The following PIK3C2G variants were observed in gnomAD, a reference collection of about 807,000 sequenced individuals.
The protein encoded by PIK3C2G is phosphatidylinositol-4-phosphate 3-kinase catalytic subunit type 2 gamma, also known as phosphatidylinositol 3-kinase C2 domain-containing subunit gamma.
A neutral mutation model predicts 181.1 loss-of-function variants in PIK3C2G; 168 were observed. That is an observed-to-expected ratio of 0.93 (90% CI 0.82 to 1.05). The LOEUF is 1.05. Among genes scored for constraint, PIK3C2G ranks in the 50% least tolerant of loss-of-function variants. The pLI, the probability that PIK3C2G is intolerant of heterozygous loss-of-function variation, is 0.00. For missense variants in PIK3C2G, 1,869 were observed against 1,732.8 expected, an observed-to-expected ratio of 1.08 and a Z score of -1.40; for synonymous variants, 573 against 592.2, an observed-to-expected ratio of 0.97 and a Z score of 0.47.
At chr12:18,284,960 G>T (rs1413613952) in intron 2 of PIK3C2G, among the ~76,000 whole-genome samples, 2 of 152,040 alleles carry the variant, frequency 1.3e-5, no homozygotes, top group Non-Finnish European at 2.9e-5. Flanking sequence ...TTAATTTGAA[G>T]AAATAATGGT....
intron 30 of PIK3C2G, 62 bp downstream of exon 30, chr12:18,594,631 T>C: frequency 2.4e-6 from 2 of 851,046 alleles, no homozygotes; most frequent in Non-Finnish European, 3.6e-6. Context: ...CAAAAAGATA[T>C]CACAACTAAT....
At chr12:18,261,322 T>G (rs965211878), upstream of PIK3C2G, among the ~76,000 whole-genome samples, 3 of 152,180 alleles carry the variant, frequency 2.0e-5, no homozygotes, top group Non-Finnish European at 2.9e-5. Flanking sequence ...AGAAGCTCAT[T>G]TATGGTTGGG....
At chr12:18,280,422 C>T (rs538025706) in intron 1 of PIK3C2G, among the ~76,000 whole-genome samples, 126 of 152,042 alleles carry the variant, frequency 8.3e-4, no homozygotes, top group African/African-American at 2.9e-3. Flanking sequence ...AATAATATTT[C>T]AATTAAATCC....
At chr12:18,411,850 T>G (rs1944883396) in intron 16 of PIK3C2G, among the ~76,000 whole-genome samples, 1 of 152,204 alleles carries the variant, frequency 6.6e-6, no homozygotes, top group African/African-American at 2.4e-5. Context: ...TACATCGCAT[T>G]TGGCTTTCAC....
chr12:18,400,882 T>G (rs1265952422), intron 16 of PIK3C2G, among the ~76,000 whole-genome samples: 2 of 151,992 alleles, frequency 1.3e-5, no homozygotes, highest in Non-Finnish European at 2.9e-5. Context: ...TATAATGGAA[T>G]ATATATATTT....
intron 29 of PIK3C2G, among the ~76,000 whole-genome samples, chr12:18,590,423 G>T (rs1373204404): frequency 6.6e-6 from 1 of 151,844 alleles, no homozygotes; most frequent in Non-Finnish European, 1.5e-5. Flanking sequence ...GGTACCCTCT[G>T]TTTTTATTAC....
At chr12:18,590,327 T>C (rs576471532) in intron 29 of PIK3C2G, among the ~76,000 whole-genome samples, 1 of 151,900 alleles carries the variant, frequency 6.6e-6, no homozygotes, top group Non-Finnish European at 1.5e-5. Context: ...CCAGGATTGA[T>C]AGATATAATA....
chr12:18,282,581 A>T lies in PIK3C2G; in HGVS notation c.500A>T (p.Tyr167Phe). The T allele has an allele frequency of 6.2e-7, 1 of 1,612,122 alleles. No homozygotes were observed. The highest frequency in any genetic ancestry group is 8.5e-7 in the Non-Finnish European group (1 of 1,178,448). ...GAATTAGAAAATGAAAATCATAACTACCATATAGGATTTGAAAGTAGCATT... is the reference window on the plus strand; with the variant it reads ...GAATTAGAAAATGAAAATCATAACTTCCATATAGGATTTGAAAGTAGCATT... ...EKELENENHN[Y>F]HIGFESSIPP... The change falls in exon 2 of 33, where the codon TAC (tyrosine) becomes TTC (phenylalanine). Residue 167 changes from tyrosine to phenylalanine, a missense_variant. Coordinates refer to ENST00000538779, the MANE Select transcript of PIK3C2G (RefSeq NM_001288772.2).
chr12:18,698,185 C>T, the PIK3C2G span, among the ~76,000 whole-genome samples: 54 of 151,954 alleles, frequency 3.6e-4, no homozygotes, highest in South Asian at 1.2e-3. Context: ...CTCACATGCA[C>T]GATGCACAAT....
intron 29 of PIK3C2G, among the ~76,000 whole-genome samples, chr12:18,578,713 AT>A (rs1946348573): frequency 6.6e-6 from 1 of 152,190 alleles, no homozygotes; most frequent in African/African-American, 2.4e-5. Context: ...ATATATTAAC[AT>A]AGTTATATCT....
intron 32 of PIK3C2G, among the ~76,000 whole-genome samples, chr12:18,642,563 C>T (rs1949895744): frequency 6.6e-6 from 1 of 152,136 alleles, no homozygotes; most frequent in African/African-American, 2.4e-5. Flanking sequence ...CCCTTCTCTG[C>T]CTGCTTTGAG....
intron 4 of PIK3C2G, among the ~76,000 whole-genome samples, chr12:18,292,775 C>A (rs900911612): frequency 6.6e-6 from 1 of 152,154 alleles, no homozygotes; most frequent in African/African-American, 2.4e-5. Context: ...GCTGTTCAAG[C>A]TAGAACCTTG....
rs74349529 is a variant in PIK3C2G at position 18,278,167 on chromosome 12, G to A, written c.-78-3837G>A. ...TTGCTTAAAGCAATACATTTATTAC[G>A]TTTCAGTTCTGTAAGTCAGAAGTCC... On this transcript the variant is annotated intron_variant, in intron 1 of 32. Transcript: ENST00000538779. 3.0e-4 allele frequency among the ~76,000 whole-genome samples: 45 copies of A among 152,206 alleles called. 1 individual carries two copies. The East Asian group carries it at 6.6e-3, about 22-fold the overall frequency.
downstream of PIK3C2G, among the ~76,000 whole-genome samples, chr12:18,653,157 G>T (rs1167104246): frequency 6.6e-6 from 1 of 152,122 alleles, no homozygotes; most frequent in Non-Finnish European, 1.5e-5. Flanking sequence ...ATAAAACAAA[G>T]TGGTTGCAGT....
At chr12:18,630,829 A>G (rs11044223) in intron 31 of PIK3C2G, among the ~76,000 whole-genome samples, 11,438 of 152,174 alleles carry the variant, frequency 0.075, 548 homozygotes, top group Middle Eastern at 0.18. Flanking sequence ...CTGTTACTTT[A>G]TTTCAACCTA....
chr12:18,460,530 C>T (rs542457657), intron 18 of PIK3C2G, among the ~76,000 whole-genome samples: 144 of 151,302 alleles, frequency 9.5e-4, no homozygotes, highest in Non-Finnish European at 1.5e-3. Context: ...GCTGAGATGG[C>T]GCCACTGCAC....
intron 22 of PIK3C2G, among the ~76,000 whole-genome samples, chr12:18,500,668 GC>G (rs909167135): frequency 1.4e-4 from 22 of 152,294 alleles, no homozygotes; most frequent in Non-Finnish European, 5.9e-5. Context: ...GCACCAATCA[GC>G]GCCGTGTCAA....
At chr12:18,662,299 C>T in the PIK3C2G span, among the ~76,000 whole-genome samples, 1 of 108,032 alleles carries the variant, frequency 9.3e-6, no homozygotes. Flanking sequence ...TGAACATGTA[C>T]CTCTAAACAT....
Position 18,488,430 on chromosome 12 carries a change from T to TTC in PIK3C2G, c.2505-11_2505-10dup. 6.8e-7 allele frequency: 1 copy of TTC among 1,464,880 alleles called. No individual in the cohort carries two copies. The highest frequency in any genetic ancestry group is 9.1e-7 in the Non-Finnish European group (1 of 1,103,908). 90.7% of individuals were successfully genotyped at this position (1,464,880 alleles called of 1,614,324 possible). Reference sequence around the variant, plus strand: ...ATTAGCTTTACATACAAGAATTTTTTTCTCTCTCTTTCCTTCAGGCTGCTA... The same window carrying TTC: ...ATTAGCTTTACATACAAGAATTTTTTTCTCTCTCTCTTTCCTTCAGGCTGCTA... On this transcript the variant is annotated intron_variant, in intron 18 of 32. Coordinates refer to ENST00000538779, the MANE Select transcript of PIK3C2G (RefSeq NM_001288772.2).
Sources: allele counts gnomAD v4.1 joint callset (sites outside exome capture counted in the v4.1 genomes callset), GRCh38; gene constraint gnomAD v4.1.1; transcripts MANE v1.5; gene names NCBI Gene and HGNC (gene_info 2026-07-23, HGNC 2026-07-21).